The following USP34 variants were observed in gnomAD, a reference collection of about 807,000 sequenced individuals.
USP34 encodes the protein ubiquitin carboxyl-terminal hydrolase 34.
Under a neutral mutation model 460.3 loss-of-function variants are expected in USP34, and 70 were observed. The ratio of observed to expected loss-of-function variants is 0.15; its 90% CI spans 0.13 to 0.19. The LOEUF is 0.19. Ranked by LOEUF, USP34 falls within the 10% of genes least tolerant of loss-of-function variation. The pLI, the probability that USP34 is intolerant of heterozygous loss-of-function variation, is 1.00. For synonymous variants in USP34, 1,647 were observed against 1,405.3 expected, an observed-to-expected ratio of 1.17 and a Z score of -3.85; for missense variants, 3,985 against 4,236.2, an observed-to-expected ratio of 0.94 and a Z score of 1.65.
chr2:61,319,110 T>C, intron 22 of USP34, 63 bp downstream of exon 22: 1 of 1,467,908 alleles, frequency 6.8e-7, no homozygotes, highest in Non-Finnish European at 9.1e-7. Flanking sequence ...ACAGAATTCG[T>C]ATTTCAAGAG....
intron 2 of USP34, among the ~76,000 whole-genome samples, chr2:61,415,427 G>C (rs1007085153): frequency 2.6e-4 from 40 of 152,190 alleles, no homozygotes; most frequent in African/African-American, 9.2e-4. Context: ...TCATTGCTGA[G>C]CAACATTTTT....
In USP34 at chr2:61,241,553, C is replaced by CTTA; in HGVS notation, c.6777+4_6777+6dup. ...TAAAATGTTGCTCAAATGAAATTAA[C>CTTA]TTATACCTCTAGTAACTCTGACGAA... On this transcript the variant is annotated splice_region_variant and intron_variant, in intron 53 of 79. Coordinates refer to ENST00000398571, the MANE Select transcript of USP34 (RefSeq NM_014709.4). 6.3e-7 allele frequency: 1 copy of CTTA among 1,586,232 alleles called. No individual in the cohort carries two copies. The highest frequency in any genetic ancestry group is 8.6e-7 in the Non-Finnish European group (1 of 1,166,716).
At chr2:61,195,822 C>T (rs1454358769) in intron 75 of USP34, among the ~76,000 whole-genome samples, 1 of 152,160 alleles carries the variant, frequency 6.6e-6, no homozygotes, top group Non-Finnish European at 1.5e-5. Flanking sequence ...CTGACATTAA[C>T]CCTCTTATGG....
At chr2:61,326,482 C>T (rs549399158) in intron 20 of USP34, among the ~76,000 whole-genome samples, 3 of 152,246 alleles carry the variant, frequency 2.0e-5, no homozygotes, top group African/African-American at 4.8e-5. Context: ...CCTGCCTTGG[C>T]CTAGCAAAGT....
At chr2:61,403,992 C>CAAAA (rs71405114) in intron 3 of USP34, among the ~76,000 whole-genome samples, 2,684 of 29,108 alleles carry the variant, frequency 0.092, 646 homozygotes, top group Non-Finnish European at 0.16. Flanking sequence ...GACTCTATCT[C>CAAAA]AAAAAAAAAA....
intron 10 of USP34, among the ~76,000 whole-genome samples, chr2:61,354,110 A>C (rs773030791): frequency 2.6e-5 from 4 of 152,176 alleles, no homozygotes; most frequent in African/African-American, 4.8e-5. Context: ...AACTAACTAA[A>C]TAAATAACCA....
intron 10 of USP34, among the ~76,000 whole-genome samples, chr2:61,355,095 C>T (rs941523603): frequency 2.6e-5 from 4 of 152,142 alleles, no homozygotes; most frequent in South Asian, 2.1e-4. Flanking sequence ...CAGCATGAAA[C>T]CCAGCACGAA....
At chr2:61,417,069 G>GAC in intron 2 of USP34, 1 of 1,373,564 alleles carries the variant, frequency 7.3e-7, no homozygotes, top group Non-Finnish European at 1.0e-6. Flanking sequence ...ACTTGGCCCT[G>GAC]AGCAGGACCT....
chr2:61,234,050 A>G (rs982125779), intron 57 of USP34, among the ~76,000 whole-genome samples: 1 of 152,186 alleles, frequency 6.6e-6, no homozygotes, highest in South Asian at 2.1e-4. Flanking sequence ...ACAAGAAAGA[A>G]AGATTATTAT....
chr2:61,258,224 C>G (rs1572877839), intron 44 of USP34, among the ~76,000 whole-genome samples: 1 of 152,044 alleles, frequency 6.6e-6, no homozygotes, highest in African/African-American at 2.4e-5. Context: ...CATGGTGGTA[C>G]AAGCCTGTGG....
chr2:61,353,331 G>T (rs1175609926), intron 10 of USP34, among the ~76,000 whole-genome samples: 4 of 151,664 alleles, frequency 2.6e-5, no homozygotes, highest in Admixed American at 2.0e-4. Context: ...AACAAAAAAG[G>T]AAAGAACAAA....
At chr2:61,282,274 C>T (rs1364657536) in intron 37 of USP34, among the ~76,000 whole-genome samples, 3 of 152,096 alleles carry the variant, frequency 2.0e-5, no homozygotes, top group Non-Finnish European at 4.4e-5. Context: ...GCCACAGTGC[C>T]CAGCCAGAGC....
chr2:61,452,905 CAAAAAAAA>C (rs57925421), intron 1 of USP34, among the ~76,000 whole-genome samples: 1 of 127,136 alleles, frequency 7.9e-6, no homozygotes, highest in Admixed American at 8.3e-5. Context: ...ACCCCACAAC[CAAAAAAAA>C]AAAAAAAAAA....
intron 37 of USP34, among the ~76,000 whole-genome samples, chr2:61,281,976 G>C (rs759156760): frequency 1.4e-4 from 22 of 152,258 alleles, no homozygotes; most frequent in Non-Finnish European, 2.4e-4. Context: ...ATTATATCCA[G>C]AACTAATTTT....
At chr2:61,304,130 G>A (rs767322895) in intron 27 of USP34, among the ~76,000 whole-genome samples, 51 of 151,936 alleles carry the variant, frequency 3.4e-4, no homozygotes, top group African/African-American at 1.2e-3. Flanking sequence ...CCTCCTGACC[G>A]CAAATGATCC....
intron 21 of USP34, among the ~76,000 whole-genome samples, chr2:61,321,632 A>G (rs1016163207): frequency 1.3e-5 from 2 of 152,240 alleles, no homozygotes; most frequent in Non-Finnish European, 2.9e-5. Context: ...GCCTTTTACA[A>G]GTATTTAATA....
intron 10 of USP34, among the ~76,000 whole-genome samples, chr2:61,361,971 TAATA>T (rs527600718): frequency 5.4e-4 from 81 of 151,208 alleles, no homozygotes; most frequent in East Asian, 1.6e-3. Flanking sequence ...AGCAAAAAAA[TAATA>T]AATAAATAAA....
chr2:61,422,440 T>C (rs1179524202), intron 1 of USP34, among the ~76,000 whole-genome samples: 1 of 152,110 alleles, frequency 6.6e-6, no homozygotes, highest in Non-Finnish European at 1.5e-5. Flanking sequence ...TTCCAACTCA[T>C]TCCATCCAAC....
chr2:61,347,754 T>C (rs1691815932), intron 15 of USP34, 116 bp downstream of exon 15: 1 of 1,468,846 alleles, frequency 6.8e-7, no homozygotes, highest in African/African-American at 1.4e-5. Context: ...CATTTATAGT[T>C]TGCACTATAC....
Sources: gnomAD v4.1 joint callset for allele counts (sites outside exome capture counted in the v4.1 genomes callset) on GRCh38, gnomAD v4.1.1 for gene constraint, MANE v1.5 for transcripts, NCBI Gene and HGNC (gene_info 2026-07-23, HGNC 2026-07-21) for gene names.